Variants in RUSC2 observed in about 807,000 individuals in gnomAD.
The protein encoded by RUSC2 is RUN and SH3 domain containing 2, also known as AP-4 complex accessory subunit RUSC2.
RUSC2 carries 34 observed loss-of-function variants against 122.2 expected under a neutral mutation model. The observed-to-expected ratio is 0.28, with a 90% confidence interval of 0.21 to 0.37. The LOEUF is 0.37. Among genes scored for constraint, RUSC2 ranks in the 10% least tolerant of loss-of-function variants. The pLI, the probability that RUSC2 is intolerant of heterozygous loss-of-function variation, is 1.00. For missense variants in RUSC2, 1,747 were observed against 1,952.4 expected (o/e 0.89, Z 1.98); for synonymous variants, 784 against 790.0 (o/e 0.99, Z 0.13).
At chr9:35,550,863 G>C (rs1286604972) in intron 2 of RUSC2, among the ~76,000 whole-genome samples, 1 of 151,786 alleles carries the variant, frequency 6.6e-6, no homozygotes, top group Non-Finnish European at 1.5e-5. Flanking sequence ...GTCACCTGAG[G>C]TCAGGAGTTC....
intron 1 of RUSC2, among the ~76,000 whole-genome samples, chr9:35,539,804 AC>A (rs1377429681): frequency 6.6e-6 from 1 of 151,762 alleles, no homozygotes; most frequent in Non-Finnish European, 1.5e-5. Context: ...TCCCAAATCT[AC>A]CCTCCTGCCC....
intron 1 of RUSC2, among the ~76,000 whole-genome samples, chr9:35,535,609 GC>G (rs1177707338): frequency 6.7e-6 from 1 of 149,806 alleles, no homozygotes; most frequent in African/African-American, 2.5e-5. Context: ...CGCCATCTTG[GC>G]TCACTGCAAG....
chr9:35,518,132 C>G (rs1821144398), intron 1 of RUSC2, among the ~76,000 whole-genome samples: 1 of 152,204 alleles, frequency 6.6e-6, no homozygotes, highest in Non-Finnish European at 1.5e-5. Flanking sequence ...TAAGGCTGCA[C>G]TGTTGTTCTG....
At position 35,555,319 on chromosome 9, in the gene RUSC2, T is replaced by A; in HGVS notation, c.2274T>A (p.Thr758=). ...CGCAGGCATCCACTCCCCGAGCCAC[T>A]GGCAGAGGTGCCAGGAAAGCTGGGT... ...GEPQASTPRA[T]GRGARKAGSE... is the part of the protein sequence containing the mutation. The change falls in exon 3 of 12, where the codon ACT becomes ACA. Residue 758 remains threonine, a synonymous_variant. Transcript: ENST00000361226. This position sits in a 1 kb window ranked among gnomAD's most constrained non-coding sequence, Gnocchi z 4.6. 6.2e-7 allele frequency: 1 copy of A among 1,614,158 alleles called. No individual in the cohort carries two copies. The highest frequency in any genetic ancestry group is 8.5e-7 in the Non-Finnish European group (1 of 1,180,030).
intron 1 of RUSC2, among the ~76,000 whole-genome samples, chr9:35,526,954 C>T (rs1301448735): frequency 6.6e-6 from 1 of 152,122 alleles, no homozygotes; most frequent in African/African-American, 2.4e-5. Flanking sequence ...GATTCTCTAC[C>T]AAAGATTCTG....
chr9:35,518,600 G>T (rs921903615), intron 1 of RUSC2, among the ~76,000 whole-genome samples: 6 of 152,152 alleles, frequency 3.9e-5, no homozygotes, highest in Non-Finnish European at 8.8e-5. Flanking sequence ...GGTCTTGCAG[G>T]GATGAAGAAG....
At chr9:35,550,789 G>A (rs1821874973) in intron 2 of RUSC2, among the ~76,000 whole-genome samples, 1 of 152,060 alleles carries the variant, frequency 6.6e-6, no homozygotes, top group African/African-American at 2.4e-5. Context: ...AGAAAAACCA[G>A]GAGAGGCCGG....
intron 1 of RUSC2, among the ~76,000 whole-genome samples, chr9:35,518,557 C>CA (rs1821151811): frequency 1.3e-5 from 2 of 152,136 alleles, no homozygotes; most frequent in Non-Finnish European, 2.9e-5. Flanking sequence ...ATACTGTAGT[C>CA]AAAGTATAAA....
At chr9:35,544,505 AC>A (rs1197505345) in intron 1 of RUSC2, among the ~76,000 whole-genome samples, 1 of 151,914 alleles carries the variant, frequency 6.6e-6, no homozygotes, top group Non-Finnish European at 1.5e-5. Flanking sequence ...ATGGGATTTC[AC>A]CATGTCGGCC....
At chr9:35,534,419 TACACACACACACACACAC>T (rs55836338) in intron 1 of RUSC2, among the ~76,000 whole-genome samples, 1 of 140,926 alleles carries the variant, frequency 7.1e-6, no homozygotes, top group Non-Finnish European at 1.5e-5. Flanking sequence ...CTACAAATAA[TACACACACACACACACAC>T]ACACACACAC....
rs751094554 is a variant in RUSC2 at position 35,555,176 on chromosome 9, C to T, written c.2131C>T (p.Arg711Trp). The change falls in exon 3 of 12, where the codon CGG becomes TGG. Residue 711 changes from arginine (R) to tryptophan (W), a missense_variant. Transcript: ENST00000361226. The surrounding 1 kb of genome is among the most constrained non-coding windows in gnomAD (Gnocchi z 4.6). The stretch of plus-strand genomic sequence containing the variant: ...CTTCCCCAAGCAGCTGGCCAAGGCC[C>T]GGGCCCTCCACAGCCTTTCCCAGCT... ...HHFPKQLAKARALHSLSQLYS... is the reference protein window; with the variant it reads ...HHFPKQLAKAWALHSLSQLYS... 77 of 1,613,610 alleles carry T rather than the reference C, an allele frequency of 4.8e-5. No individual in the cohort carries two copies. Among genetic ancestry groups the T allele is most frequent in the Non-Finnish European group, 6.2e-5 (73 of 1,180,042 alleles).
chr9:35,549,796 GA>G (rs1242800562), intron 2 of RUSC2, among the ~76,000 whole-genome samples: 1 of 152,208 alleles, frequency 6.6e-6, no homozygotes, highest in Non-Finnish European at 1.5e-5. Context: ...AAATTTTAGA[GA>G]AATGGCTTTT....
chr9:35,499,991 T>C (rs752016618), intron 1 of RUSC2, among the ~76,000 whole-genome samples: 1 of 152,230 alleles, frequency 6.6e-6, no homozygotes, highest in Non-Finnish European at 1.5e-5. Flanking sequence ...ACAGTCAAAC[T>C]TTGTTAAAGT....
Position 35,556,012 on chromosome 9 carries a change from G to A in RUSC2, c.2717G>A (p.Gly906Glu), listed in dbSNP as rs1361104924. Residue 906 changes from glycine to glutamate, a missense_variant, in exon 4 of 12, where the codon GGG (glycine) becomes GAG (glutamate). By Grantham distance (98) the Gly-to-Glu change is moderately conservative. Transcript: ENST00000361226. ...GAATACAGGAGGAAGAACCCACTAG[G>A]GCCACCTGGTTTGTCAGGGAGCCTA... Reference protein sequence around the residue: ...WREYRRKNPLGPPGLSGSLDR... With the variant: ...WREYRRKNPLEPPGLSGSLDR... 3 of 1,614,166 alleles carry A rather than the reference G, an allele frequency of 1.9e-6. No homozygotes were observed. Among genetic ancestry groups the A allele is most frequent in the South Asian group, 2.2e-5 (2 of 91,078 alleles).
chr9:35,501,549 C>G (rs1820817107), intron 1 of RUSC2, among the ~76,000 whole-genome samples: 1 of 152,152 alleles, frequency 6.6e-6, no homozygotes, highest in Non-Finnish European at 1.5e-5. Flanking sequence ...TGAACTCCTG[C>G]CTGGGTGACA....
intron 9 of RUSC2, among the ~76,000 whole-genome samples, chr9:35,559,490 T>C (rs1331541297): frequency 6.6e-6 from 1 of 152,110 alleles, no homozygotes; most frequent in Admixed American, 6.5e-5. Context: ...ATCCCAGCAC[T>C]TTGGGAGGCC....
At chr9:35,543,358 G>T (rs1046055307) in intron 1 of RUSC2, among the ~76,000 whole-genome samples, 1 of 152,078 alleles carries the variant, frequency 6.6e-6, no homozygotes, top group Non-Finnish European at 1.5e-5. Flanking sequence ...AGAGGCTGAG[G>T]CTGCAGTGAG....
chr9:35,561,724 G>A lies in RUSC2; in HGVS notation c.*342G>A, dbSNP rs1273309019. ...TCTACAGGGTTCCCTAGGCCAGGTG[G>A]AGATGAGGATGGGTAACAGTATTGG... On this transcript the variant is annotated 3_prime_UTR_variant, in exon 12 of 12. Coordinates refer to ENST00000361226, the MANE Select transcript of RUSC2 (RefSeq NM_014806.5). 3.8e-6 allele frequency: 2 copies of A among 532,938 alleles called. No homozygotes were observed. Among genetic ancestry groups the A allele is most frequent in the African/African-American group, 3.8e-5 (2 of 52,856 alleles). The allele number at this position is 532,938 out of a possible 1,614,324, so 33.0% of individuals were successfully genotyped here.
At chr9:35,530,566 C>CAT (rs1437275479) in intron 1 of RUSC2, among the ~76,000 whole-genome samples, 12 of 152,096 alleles carry the variant, frequency 7.9e-5, no homozygotes, top group Non-Finnish European at 1.2e-4. Context: ...AGCCAAAACT[C>CAT]AGAGTATATT....
Sources: allele counts gnomAD v4.1 joint callset (sites outside exome capture counted in the v4.1 genomes callset), GRCh38; gene constraint gnomAD v4.1.1; non-coding constraint Gnocchi (gnomAD v3.1); transcripts MANE v1.5; gene names NCBI Gene and HGNC (gene_info 2026-07-23, HGNC 2026-07-21).